Variants in SOS1 observed in about 807,000 individuals in gnomAD.
SOS1 encodes the protein SOS Ras/Rac guanine nucleotide exchange factor 1, also known as son of sevenless homolog 1.
Under a neutral mutation model 157.6 loss-of-function variants are expected in SOS1, and 25 were observed. The observed-to-expected ratio is 0.16, with a 90% CI of 0.12 to 0.22. SOS1 has a LOEUF of 0.22. Among genes scored for constraint, SOS1 ranks in the 10% least tolerant of loss-of-function variants. SOS1 has a pLI of 1.00. For synonymous variants in SOS1, 528 were observed against 534.0 expected (o/e 0.99, Z 0.16); for missense variants, 1,237 against 1,599.1 (o/e 0.77, Z 3.86).
At chr2:39,020,902 T>C (rs935009571) in intron 10 of SOS1, among the ~76,000 whole-genome samples, 22 of 52,018 alleles carry the variant, frequency 4.2e-4, no homozygotes, top group Admixed American at 2.7e-3. Context: ...AAGAAAAATA[T>C]CAAAAAACTT....
chr2:39,089,666 C>G (rs1469618852), intron 1 of SOS1, among the ~76,000 whole-genome samples: 1 of 151,926 alleles, frequency 6.6e-6, no homozygotes, highest in Non-Finnish European at 1.5e-5. Flanking sequence ...AATAAATGTC[C>G]TTGAGTCTCC....
chr2:39,026,587 C>T (rs898287175), intron 8 of SOS1, among the ~76,000 whole-genome samples: 4 of 152,138 alleles, frequency 2.6e-5, no homozygotes, highest in African/African-American at 7.2e-5. Flanking sequence ...ACAGATATTA[C>T]TAGTAGGCTG....
intron 15 of SOS1, among the ~76,000 whole-genome samples, chr2:39,009,061 T>C (rs1448377636): frequency 1.3e-5 from 2 of 152,056 alleles, no homozygotes; most frequent in African/African-American, 4.8e-5. Flanking sequence ...GTAGCCATTA[T>C]GAATACGGTC....
intron 20 of SOS1, chr2:38,992,583 A>G (rs1221318343): frequency 6.6e-6 from 1 of 152,232 alleles, no homozygotes; most frequent in Admixed American, 6.5e-5. Flanking sequence ...AAGATTCAGC[A>G]CTAGTAGAGA....
At chr2:39,079,088 G>C (rs1264695529) in intron 1 of SOS1, among the ~76,000 whole-genome samples, 7 of 139,230 alleles carry the variant, frequency 5.0e-5, no homozygotes, top group Non-Finnish European at 1.1e-4. Flanking sequence ...AAAAAAAAAA[G>C]TTGAGGACTG....
Position 39,050,146 on chromosome 2 carries a change from A to G in SOS1, c.864+998T>C, listed in dbSNP as rs141089074. On this transcript the variant is annotated intron_variant, in intron 6 of 22. Transcript: ENST00000402219. ...GAACTTACCATTCTATTTTGCCTGA[A>G]AGTCTTAATTAAAAAAATATTTTAC... is the stretch of plus-strand genomic sequence containing the variant. Among the ~76,000 whole-genome samples the G allele has an allele frequency of 5.1e-3, 772 of 152,256 alleles. 7 individuals carry two copies. The highest frequency in any genetic ancestry group is 0.018 in the African/African-American group (745 of 41,540).
At chr2:39,071,488 T>G (rs915285440) in intron 1 of SOS1, among the ~76,000 whole-genome samples, 9 of 152,204 alleles carry the variant, frequency 5.9e-5, no homozygotes, top group African/African-American at 2.2e-4. Flanking sequence ...CATCATTGGT[T>G]ACACAAAGGA....
At chr2:39,025,241 A>G (rs1037699636) in intron 8 of SOS1, among the ~76,000 whole-genome samples, 9 of 152,232 alleles carry the variant, frequency 5.9e-5, no homozygotes, top group African/African-American at 2.2e-4. Flanking sequence ...ATAACATTTT[A>G]TCAATAGAGT....
intron 1 of SOS1, among the ~76,000 whole-genome samples, chr2:39,092,178 A>G (rs369423262): frequency 1.3e-5 from 2 of 152,178 alleles, no homozygotes; most frequent in South Asian, 4.2e-4. Context: ...CACATATGCT[A>G]TACTCTAGTC....
chr2:38,986,231 A>G lies in SOS1; in HGVS notation c.3595T>C (p.Ser1199Pro), dbSNP rs112353205. 1.2e-6 allele frequency: 2 copies of G among 1,613,720 alleles called. No individual in the cohort carries two copies. Among genetic ancestry groups the G allele is most frequent in the Admixed American group, 3.3e-5 (2 of 59,940 alleles). The stretch of plus-strand genomic sequence containing the variant: ...GGGTCTGAGATAGAGGTCCGGTCTG[A>G]TATTGAATATCGTGGTGAATAGGCT... ...SKAYSPRYSISDRTSISDPPE... is the reference protein window; with the variant it reads ...SKAYSPRYSIPDRTSISDPPE... Residue 1199 changes from serine (S) to proline (P), a missense_variant, in exon 23 of 23, where the codon TCA (serine) becomes CCA (proline). This residue lies in a region of SOS1 where 306 missense variants were observed against 322.6 expected (regional missense o/e 0.95). Transcript: ENST00000402219.
intron 5 of SOS1, among the ~76,000 whole-genome samples, chr2:39,053,157 A>G (rs1013707013): frequency 5.3e-5 from 8 of 151,574 alleles, no homozygotes; most frequent in African/African-American, 7.3e-5. Flanking sequence ...CGTCTCAAGA[A>G]AAAAAAAAGA....
At chr2:39,056,057 T>G (rs1163975742) in intron 4 of SOS1, among the ~76,000 whole-genome samples, 1 of 152,224 alleles carries the variant, frequency 6.6e-6, no homozygotes, top group East Asian at 1.9e-4. Context: ...AACTATCGTT[T>G]TGTGGTTTTA....
intron 17 of SOS1, among the ~76,000 whole-genome samples, chr2:39,006,145 T>C (rs1669276280): frequency 6.6e-6 from 1 of 152,126 alleles, no homozygotes. Context: ...TTTATTAAAA[T>C]GCAATTAAAA....
At chr2:39,085,493 GTCTT>G (rs1301980919) in intron 1 of SOS1, among the ~76,000 whole-genome samples, 1 of 152,200 alleles carries the variant, frequency 6.6e-6, no homozygotes, top group Non-Finnish European at 1.5e-5. Flanking sequence ...TGATCCAAGT[GTCTT>G]TCTACTATCT....
In SOS1 at chr2:38,991,024, C is replaced by G. The variant is rs1668715926; in HGVS notation, c.3347-1710G>C. Among the ~76,000 whole-genome samples the G allele has an allele frequency of 2.0e-5, 3 of 152,118 alleles. No homozygotes were observed. The East Asian group carries it at 5.8e-4, about 29-fold the overall frequency. On this transcript the variant is annotated intron_variant, in intron 20 of 22. Coordinates refer to ENST00000402219, the MANE Select transcript of SOS1 (RefSeq NM_005633.4). ...ACAGACAAATGGTCCTCAATCTTGG[C>G]TGTACATTAGAATCCTATGGGAAGT...
At chr2:39,092,636 T>C (rs1210558570) in intron 1 of SOS1, among the ~76,000 whole-genome samples, 2 of 152,248 alleles carry the variant, frequency 1.3e-5, no homozygotes, top group Non-Finnish European at 2.9e-5. Context: ...TCTCCTGGTA[T>C]CTAGAACACT....
At chr2:39,022,509 A>T in intron 10 of SOS1, 61 bp downstream of exon 10, 1 of 1,330,864 alleles carries the variant, frequency 7.5e-7, no homozygotes, top group Admixed American at 1.7e-5. Context: ...AAACCCATGC[A>T]GGAAAGAAAA....
chr2:39,102,096 T>C (rs897766729), intron 1 of SOS1, among the ~76,000 whole-genome samples: 10 of 145,706 alleles, frequency 6.9e-5, no homozygotes, highest in Admixed American at 2.1e-4. Context: ...TCCCAGCTAC[T>C]CGGGAGGCTG....
At position 39,026,245 on chromosome 2, in the gene SOS1, C is replaced by T. The variant is rs185299320; in HGVS notation, c.1075-2108G>A. Among the ~76,000 whole-genome samples the T allele has an allele frequency of 4.9e-4, 75 of 151,792 alleles. No homozygotes were observed. In the East Asian group the frequency reaches 0.013, roughly 26 times the overall value. On this transcript the variant is annotated intron_variant, in intron 8 of 22. Transcript: ENST00000402219. ...TGGCACACGCCTGTAGTCCCAGCTA[C>T]TCGGGAGGCTGAGGCAGAAGAATCG...
Sources: gnomAD v4.1 joint callset for allele counts (sites outside exome capture counted in the v4.1 genomes callset) on GRCh38, gnomAD v4.1.1 for gene constraint, gnomAD v4.1.1 regional missense constraint, MANE v1.5 for transcripts, NCBI Gene and HGNC (gene_info 2026-07-23, HGNC 2026-07-21) for gene names.